The following EPG5 variants were observed in gnomAD, a reference collection of about 807,000 sequenced individuals.
EPG5 encodes the protein ectopic P-granules 5 autophagy tethering factor.
EPG5 carries 159 observed loss-of-function variants against 302.7 expected under a neutral mutation model. The ratio of observed to expected loss-of-function variants is 0.53; its 90% CI spans 0.46 to 0.60. The LOEUF (loss-of-function observed/expected upper bound fraction) is 0.60, where lower values mean the gene tolerates loss of function less well. EPG5 is among the 20% of genes least tolerant of loss of function. EPG5 has a pLI of 0.00. For synonymous variants in EPG5, 1,158 were observed against 1,136.8 expected (o/e 1.02, Z -0.37); for missense variants, 2,896 against 3,092.4 (o/e 0.94, Z 1.51).
At chr18:45,808,586 A>G in the EPG5 span, among the ~76,000 whole-genome samples, 2 of 152,306 alleles carry the variant, frequency 1.3e-5, no homozygotes, top group South Asian at 4.1e-4. Flanking sequence ...GCCTCCTCAA[A>G]CAAAACAATT....
chr18:45,843,614 C>T (rs2048342955), downstream of EPG5: 1 of 152,354 alleles, frequency 6.6e-6, no homozygotes, highest in Non-Finnish European at 1.5e-5. Context: ...CGTGGTGGCT[C>T]ATGCCTGTAA....
At chr18:45,802,978 T>A in the EPG5 span, among the ~76,000 whole-genome samples, 1 of 152,316 alleles carries the variant, frequency 6.6e-6, no homozygotes, top group African/African-American at 2.4e-5. Flanking sequence ...TAGCCCTTCA[T>A]GAGTCAGTAT....
chr18:45,942,035 C>A (rs2050677221), intron 9 of EPG5, among the ~76,000 whole-genome samples: 1 of 152,108 alleles, frequency 6.6e-6, no homozygotes, highest in Non-Finnish European at 1.5e-5. Flanking sequence ...ACCAGCCTAG[C>A]CAACATGGTG....
chr18:45,825,192 G>C, the EPG5 span, among the ~76,000 whole-genome samples: 55 of 136,724 alleles, frequency 4.0e-4, no homozygotes, highest in East Asian at 0.012. Context: ...GGGAGGGAGA[G>C]AGGGAGGAAG....
chr18:45,858,172 C>A, intron 41 of EPG5, 104 bp from the exon 42 acceptor site: 1 of 834,662 alleles, frequency 1.2e-6, no homozygotes, highest in Non-Finnish European at 1.9e-6. Flanking sequence ...ACATTCAGTA[C>A]TTCAAAAGCA....
the EPG5 span, chr18:45,840,310 G>A: frequency 3.3e-6 from 5 of 1,520,132 alleles, no homozygotes; most frequent in Non-Finnish European, 4.5e-6. Flanking sequence ...AGGGGGTCCA[G>A]GCAGGAGAAG....
intron 9 of EPG5, among the ~76,000 whole-genome samples, chr18:45,942,623 T>C (rs2050696860): frequency 6.6e-6 from 1 of 151,982 alleles, no homozygotes; most frequent in Non-Finnish European, 1.5e-5. Context: ...AAAAATAAAA[T>C]AAATGAATTA....
At chr18:45,825,525 C>A in the EPG5 span, 1 of 585,242 alleles carries the variant, frequency 1.7e-6, no homozygotes, top group Non-Finnish European at 3.1e-6. Context: ...TGACTAAACT[C>A]CACGGGGCTT....
At chr18:45,807,058 C>G in the EPG5 span, among the ~76,000 whole-genome samples, 10 of 152,282 alleles carry the variant, frequency 6.6e-5, no homozygotes, top group Admixed American at 5.2e-4. Flanking sequence ...AAAGTGAGAC[C>G]AGCCCTTCGG....
intron 11 of EPG5, 63 bp from the exon 12 acceptor site, chr18:45,930,893 C>T (rs2050383571): frequency 5.8e-6 from 8 of 1,387,538 alleles, no homozygotes; most frequent in Non-Finnish European, 6.8e-6. Context: ...TTTAATCACT[C>T]TTCCAGAGAA....
chr18:45,838,765 G>C, the EPG5 span: 1 of 1,576,614 alleles, frequency 6.3e-7, no homozygotes, highest in Non-Finnish European at 8.6e-7. Flanking sequence ...TCCGGCTCAC[G>C]CCTTCCGCGC....
chr18:45,860,907 G>C (rs559825534), intron 39 of EPG5, among the ~76,000 whole-genome samples: 27 of 152,096 alleles, frequency 1.8e-4, no homozygotes, highest in African/African-American at 4.3e-4. Flanking sequence ...AAACCAACTG[G>C]TAATTTTTCA....
intron 24 of EPG5, among the ~76,000 whole-genome samples, chr18:45,904,786 T>C (rs1460628711): frequency 2.6e-5 from 4 of 152,180 alleles, no homozygotes; most frequent in African/African-American, 9.7e-5. Context: ...AACTTGAACA[T>C]TGACTAAATA....
chr18:45,911,001 T>C (rs1299510008), intron 22 of EPG5, among the ~76,000 whole-genome samples: 1 of 152,068 alleles, frequency 6.6e-6, no homozygotes, highest in African/African-American at 2.4e-5. Flanking sequence ...AGATGGTTTC[T>C]ATTCTTGAAG....
At chr18:45,842,470 T>C in the EPG5 span, 1 of 383,450 alleles carries the variant, frequency 2.6e-6, no homozygotes, top group Non-Finnish European at 4.7e-6. Flanking sequence ...AGTACACGCA[T>C]TAGCTTGAGC....
At chr18:45,894,089 C>T (rs1203769174) in intron 27 of EPG5, among the ~76,000 whole-genome samples, 3 of 152,038 alleles carry the variant, frequency 2.0e-5, no homozygotes, top group Admixed American at 2.0e-4. Flanking sequence ...AATCATAACA[C>T]AAAATAAGTT....
the EPG5 span, among the ~76,000 whole-genome samples, chr18:45,814,684 A>C: frequency 6.6e-6 from 1 of 152,154 alleles, no homozygotes; most frequent in Admixed American, 6.6e-5. Context: ...AGTAGGCCAA[A>C]CCCTACTTTC....
intron 25 of EPG5, among the ~76,000 whole-genome samples, chr18:45,903,048 T>C (rs530977343): frequency 2.4e-4 from 36 of 152,260 alleles, no homozygotes; most frequent in South Asian, 2.1e-4. Flanking sequence ...TCAGGCAACA[T>C]AGAAACACTA....
At chr18:45,933,909 T>A (rs1428709477) in intron 11 of EPG5, among the ~76,000 whole-genome samples, 1 of 152,214 alleles carries the variant, frequency 6.6e-6, no homozygotes, top group Non-Finnish European at 1.5e-5. Flanking sequence ...CTATCTTTTT[T>A]AACGTATAGG....
Sources: gnomAD v4.1 joint callset for allele counts (sites outside exome capture counted in the v4.1 genomes callset) on GRCh38, gnomAD v4.1.1 for gene constraint, MANE v1.5 for transcripts, NCBI Gene and HGNC (gene_info 2026-07-23, HGNC 2026-07-21) for gene names.